The following CELF1 variants were observed in gnomAD, a reference collection of about 807,000 sequenced individuals.
CELF1 encodes 50 kDa nuclear polyadenylated RNA-binding protein.
A neutral mutation model predicts 61.8 loss-of-function variants in CELF1; 10 were observed. The ratio of observed to expected loss-of-function variants is 0.16; its 90% CI spans 0.10 to 0.27. The LOEUF is 0.27. Among genes scored for constraint, CELF1 ranks in the 10% least tolerant of loss-of-function variants. The pLI, the probability that CELF1 is intolerant of heterozygous loss-of-function variation, is 1.00. For synonymous variants in CELF1, 236 were observed against 225.1 expected (o/e 1.05, Z -0.43); for missense variants, 380 against 639.1 (o/e 0.59, Z 4.37).
chr11:47,512,791 C>T (rs1220150536), intron 1 of CELF1, among the ~76,000 whole-genome samples: 1 of 152,042 alleles, frequency 6.6e-6, no homozygotes. Context: ...TAAGTTAGGC[C>T]CCCTGCTTTG....
At chr11:47,486,880 T>G (rs765169180) in intron 5 of CELF1, 82 bp from the exon 6 acceptor site, 79 of 1,094,612 alleles carry the variant, frequency 7.2e-5, no homozygotes, top group Non-Finnish European at 1.1e-4. Context: ...ATACCAGAAC[T>G]AGAGCTTTAA....
chr11:47,483,078 A>G (rs565502064), intron 8 of CELF1, among the ~76,000 whole-genome samples: 94 of 151,006 alleles, frequency 6.2e-4, no homozygotes, highest in African/African-American at 2.1e-3. Flanking sequence ...CCTGGGCAAC[A>G]TGGCAAAACG....
At chr11:47,489,935 G>GTTCTTTTTTTTTTTTTTTTTT (rs1555170252) in intron 3 of CELF1, among the ~76,000 whole-genome samples, 1 of 48,226 alleles carries the variant, frequency 2.1e-5, no homozygotes, top group Non-Finnish European at 3.9e-5. Flanking sequence ...ATACCATCTT[G>GTTCTTTTTTTTTTTTTTTTTT]TTTTTTTTTT....
intron 3 of CELF1, among the ~76,000 whole-genome samples, chr11:47,495,436 G>C (rs1336025787): frequency 1.3e-5 from 2 of 152,122 alleles, no homozygotes; most frequent in Non-Finnish European, 2.9e-5. Flanking sequence ...ATGGGTACAG[G>C]GTTTCTTTTA....
At chr11:47,513,622 A>C (rs1265696642) in intron 1 of CELF1, 1 of 150,798 alleles carries the variant, frequency 6.6e-6, no homozygotes, top group Non-Finnish European at 1.5e-5. Context: ...ACCACGCCTA[A>C]TTTTTTGTAT....
intron 1 of CELF1, among the ~76,000 whole-genome samples, chr11:47,512,442 C>T (rs947770828): frequency 2.2e-4 from 32 of 143,516 alleles, no homozygotes; most frequent in African/African-American, 8.2e-4. Flanking sequence ...CATGAGCCAC[C>T]GTGCCCAGAA....
At chr11:47,489,932 C>CTTGTTT (rs1555170208) in intron 3 of CELF1, among the ~76,000 whole-genome samples, 634 of 23,432 alleles carry the variant, frequency 0.027, 57 homozygotes, top group African/African-American at 0.13. Flanking sequence ...AACATACCAT[C>CTTGTTT]TTGTTTTTTT....
chr11:47,486,392 C>A (rs1331403898), intron 6 of CELF1, among the ~76,000 whole-genome samples: 2 of 151,718 alleles, frequency 1.3e-5, no homozygotes, highest in African/African-American at 4.8e-5. Flanking sequence ...AACCTAAGAA[C>A]AGCAAACAAA....
intron 1 of CELF1, among the ~76,000 whole-genome samples, chr11:47,546,264 CGGGGGCGGGGGCG>C (rs1555191745): frequency 5.0e-4 from 12 of 24,154 alleles, no homozygotes; most frequent in African/African-American, 1.4e-3. Flanking sequence ...GGGCGGGGGC[CGGGGGCGGGGGCG>C]GGGGAGGGAA....
chr11:47,539,563 A>G (rs892924329), intron 1 of CELF1, among the ~76,000 whole-genome samples: 2 of 152,236 alleles, frequency 1.3e-5, no homozygotes, highest in African/African-American at 4.8e-5. Flanking sequence ...CCAAAGAGCC[A>G]TGATCCCTGA....
intron 9 of CELF1, among the ~76,000 whole-genome samples, chr11:47,480,896 C>T (rs900659572): frequency 6.6e-6 from 1 of 151,900 alleles, no homozygotes; most frequent in Non-Finnish European, 1.5e-5. Flanking sequence ...ATTAGCCAGG[C>T]GTGGTGGCAC....
At chr11:47,489,935 G>GTTTTTTGTTTTTTTTTTTT (rs1555170256) in intron 3 of CELF1, among the ~76,000 whole-genome samples, 1 of 48,226 alleles carries the variant, frequency 2.1e-5, no homozygotes, top group Non-Finnish European at 3.9e-5. Context: ...ATACCATCTT[G>GTTTTTTGTTTTTTTTTTTT]TTTTTTTTTT....
At chr11:47,535,879 C>T (rs1215809629) in intron 1 of CELF1, among the ~76,000 whole-genome samples, 1 of 151,498 alleles carries the variant, frequency 6.6e-6, no homozygotes, top group Non-Finnish European at 1.5e-5. Flanking sequence ...CCTCCTGCCT[C>T]AGCCTCCCAA....
At position 47,560,151 on chromosome 11, in the gene CELF1, C is replaced by T. The variant is rs186375592; in HGVS notation, c.-11+4200G>A. 9.2e-5 allele frequency among the ~76,000 whole-genome samples: 14 copies of T among 152,172 alleles called. No individual in the cohort carries two copies. The East Asian group carries it at 1.4e-3, about 15-fold the overall frequency. ...CCCATCTGTACAAACATTAGCTGGG[C>T]GTGGTGGTGCACGCCTGTAATCCCA... On this transcript the variant is annotated intron_variant, in intron 2 of 3. Transcript: ENST00000525841.
chr11:47,476,592 A>AT (rs1215072474), intron 12 of CELF1, among the ~76,000 whole-genome samples: 1 of 151,990 alleles, frequency 6.6e-6, no homozygotes, highest in Non-Finnish European at 1.5e-5. Context: ...GGCCCAGCTA[A>AT]TTTTTTTGTA....
At position 47,487,199 on chromosome 11, in the gene CELF1, T is replaced by G; in HGVS notation, c.302A>C (p.Glu101Ala). 1 of 1,612,822 alleles carries G rather than the reference T, an allele frequency of 6.2e-7. No homozygotes were observed. The highest frequency in any genetic ancestry group is 8.5e-7 in the Non-Finnish European group (1 of 1,179,912). Residue 101 changes from glutamate (E) to alanine (A), a missense_variant, in exon 5 of 15, where the codon GAA (glutamate) becomes GCA (alanine). Physicochemically the swap from Glu to Ala is moderately radical, Grantham distance 107 (BLOSUM62 -1). Transcript: ENST00000687097. ...CATGTTGTGAAGAGCATTCTGAGCT[T>G]CTAATGCAGCTTTACGGGTGTAAAA... is the stretch of plus-strand genomic sequence containing the variant. ...VTFYTRKAAL[E>A]AQNALHNMKV... is the part of the protein sequence containing the mutation.
upstream of CELF1, among the ~76,000 whole-genome samples, chr11:47,553,603 C>A (rs1160255589): frequency 1.3e-5 from 2 of 152,066 alleles, no homozygotes; most frequent in African/African-American, 4.8e-5. Flanking sequence ...CCCTTTTTGC[C>A]CCAGCAGACA....
chr11:47,532,387 TA>T (rs1229558004), intron 1 of CELF1, among the ~76,000 whole-genome samples: 7 of 152,194 alleles, frequency 4.6e-5, no homozygotes, highest in Non-Finnish European at 1.0e-4. Context: ...GGAATCCACA[TA>T]AAACTATCTT....
At chr11:47,483,321 T>G in intron 8 of CELF1, 132 bp downstream of exon 8, 8 of 713,962 alleles carry the variant, frequency 1.1e-5, no homozygotes, top group Middle Eastern at 7.1e-4. Context: ...AATCAGTGGT[T>G]TTTAACTTTA....
Sources: allele counts gnomAD v4.1 joint callset (sites outside exome capture counted in the v4.1 genomes callset), GRCh38; gene constraint gnomAD v4.1.1; transcripts MANE v1.5; gene names NCBI Gene and HGNC (gene_info 2026-07-23, HGNC 2026-07-21).